The following TENM4 variants were observed in gnomAD, a reference collection of about 807,000 sequenced individuals.
The protein encoded by TENM4 is teneurin transmembrane protein 4.
Under a neutral mutation model 243.3 loss-of-function variants are expected in TENM4, and 82 were observed. The observed-to-expected ratio is 0.34, with a 90% CI of 0.28 to 0.40. The LOEUF is 0.40. TENM4 is among the 10% of genes least tolerant of loss of function. The pLI is 1.00. For synonymous variants in TENM4, 1,412 were observed against 1,456.3 expected (o/e 0.97, Z 0.69); for missense variants, 3,138 against 3,673.3 (o/e 0.85, Z 3.77).
intron 6 of TENM4, among the ~76,000 whole-genome samples, chr11:79,057,857 C>A (rs1396953683): frequency 6.6e-6 from 1 of 152,152 alleles, no homozygotes; most frequent in African/African-American, 2.4e-5. Context: ...TCTTGGTTTA[C>A]CCCCAAGCTT....
Position 79,007,448 on chromosome 11 carries a change from C to A in TENM4, c.493+57290G>T, listed in dbSNP as rs1338866771. On this transcript the variant is annotated intron_variant, in intron 6 of 33. Transcript: ENST00000278550. ...GGCTAAGCAGGGTGTAGAACACAGGCCTCTTGGAGCCCGTTTAGTGTGGAA... is the reference window on the plus strand; with the variant it reads ...GGCTAAGCAGGGTGTAGAACACAGGACTCTTGGAGCCCGTTTAGTGTGGAA... Among the ~76,000 whole-genome samples the A allele has an allele frequency of 2.0e-5, 3 of 152,036 alleles. No homozygotes were observed. In the East Asian group the frequency reaches 5.8e-4, roughly 29 times the overall value.
Position 78,688,159 on chromosome 11 carries a change from C to G in TENM4, c.5155G>C (p.Asp1719His). ...PTGQVSSFRS[D>H]TDSSVHVQVE... ...TGGACATGCACTGAACTGTCTGTAT[C>G]ACTTCGGAAACTGCTCACCTGGCCA... Residue 1719 changes from aspartate to histidine, a missense_variant, in exon 29 of 34, where the codon GAT becomes CAT. Asp to His is a moderately conservative substitution (Grantham distance 81). This residue lies in a region of TENM4 where 2,467 missense variants were observed against 3,059.1 expected (regional missense o/e 0.81). Coordinates refer to ENST00000278550, the MANE Select transcript of TENM4 (RefSeq NM_001098816.3). 1.2e-6 allele frequency: 2 copies of G among 1,613,924 alleles called. No individual in the cohort carries two copies. Among genetic ancestry groups the G allele is most frequent in the Non-Finnish European group, 1.7e-6 (2 of 1,179,866 alleles).
intron 1 of TENM4, among the ~76,000 whole-genome samples, chr11:79,399,269 T>C (rs921263716): frequency 2.0e-5 from 3 of 152,216 alleles, no homozygotes; most frequent in African/African-American, 7.2e-5. Context: ...AGAAATCTAC[T>C]GGTTCCATAT....
intron 32 of TENM4, among the ~76,000 whole-genome samples, chr11:78,663,292 G>T (rs1473847203): frequency 6.6e-6 from 1 of 152,240 alleles, no homozygotes; most frequent in Non-Finnish European, 1.5e-5. Context: ...CTTTCAAGTG[G>T]AGATAGAACC....
At chr11:79,158,907 A>G (rs1187937250) in intron 3 of TENM4, among the ~76,000 whole-genome samples, 8 of 152,140 alleles carry the variant, frequency 5.3e-5, no homozygotes, top group Non-Finnish European at 1.0e-4. Context: ...CATCACCTCT[A>G]TTGGACCAGG....
chr11:79,178,780 C>T (rs78662597), intron 3 of TENM4, among the ~76,000 whole-genome samples: 1 of 152,194 alleles, frequency 6.6e-6, no homozygotes, highest in African/African-American at 2.4e-5. Context: ...GTCACAGTAT[C>T]TGGCACACAG....
chr11:79,090,142 C>A (rs534406862), intron 4 of TENM4, among the ~76,000 whole-genome samples: 37 of 152,348 alleles, frequency 2.4e-4, no homozygotes, highest in Non-Finnish European at 3.5e-4. Flanking sequence ...AGGAGCAGAG[C>A]TCGGACTCTA....
At chr11:78,686,699 C>T (rs1235502313) in intron 29 of TENM4, among the ~76,000 whole-genome samples, 2 of 152,178 alleles carry the variant, frequency 1.3e-5, no homozygotes, top group African/African-American at 2.4e-5. Flanking sequence ...AGAACCCCAC[C>T]TCTGCCTATA....
At chr11:79,105,473 A>G (rs1861342665) in intron 4 of TENM4, among the ~76,000 whole-genome samples, 1 of 152,254 alleles carries the variant, frequency 6.6e-6, no homozygotes, top group Non-Finnish European at 1.5e-5. Context: ...CATTGAGGTC[A>G]GATAGCAGAG....
At position 78,672,281 on chromosome 11, in the gene TENM4, T is replaced by C. The variant is rs772977333; in HGVS notation, c.5545A>G (p.Thr1849Ala). ...LSLDFDRVTR[T>A]EKIYDDHRKF... ...CGGTGGTCATCATAGATCTTCTCTG[T>C]GCGTGTTACGCGATCAAAGTCCAGA... The change falls in exon 31 of 34, where the codon ACA becomes GCA. Residue 1849 changes from threonine to alanine, a missense_variant. Physicochemically the swap from Thr to Ala is moderately conservative, Grantham distance 58. Around this residue, in one of 2 missense-constraint regions of TENM4, gnomAD observed 2,467 missense variants for 3,059.1 expected, o/e 0.81. Transcript: ENST00000278550. 181 of 1,613,806 alleles carry C rather than the reference T, an allele frequency of 1.1e-4. 1 individual carries two copies. In the East Asian group the frequency reaches 3.1e-3, roughly 28 times the overall value.
At chr11:78,843,217 G>A (rs767960716) in intron 12 of TENM4, among the ~76,000 whole-genome samples, 3 of 152,220 alleles carry the variant, frequency 2.0e-5, no homozygotes, top group Admixed American at 6.5e-5. Flanking sequence ...GGTGGAGGTT[G>A]CAGTGAACTG....
At chr11:78,687,708 T>C (rs551448391) in intron 29 of TENM4, among the ~76,000 whole-genome samples, 14 of 152,292 alleles carry the variant, frequency 9.2e-5, no homozygotes, top group African/African-American at 3.1e-4. Context: ...TTATGCGTAA[T>C]TATTTTTGTC....
intron 12 of TENM4, among the ~76,000 whole-genome samples, chr11:78,820,927 G>T (rs1365990800): frequency 6.6e-6 from 1 of 152,240 alleles, no homozygotes; most frequent in African/African-American, 2.4e-5. Context: ...GCAGGTGCCA[G>T]GTGCTGGAAA....
intron 4 of TENM4, among the ~76,000 whole-genome samples, chr11:79,131,366 C>G (rs1048066341): frequency 2.0e-5 from 3 of 152,176 alleles, no homozygotes; most frequent in Non-Finnish European, 4.4e-5. Context: ...GGGACTGGGG[C>G]TCTATCTTCA....
At chr11:79,150,027 A>G (rs1425320068) in intron 3 of TENM4, among the ~76,000 whole-genome samples, 2 of 152,182 alleles carry the variant, frequency 1.3e-5, no homozygotes, top group African/African-American at 4.8e-5. Flanking sequence ...GGAACCCACA[A>G]AGAAAAAGGA....
intron 15 of TENM4, among the ~76,000 whole-genome samples, chr11:78,795,867 C>T (rs1857150882): frequency 6.6e-6 from 1 of 152,128 alleles, no homozygotes; most frequent in Non-Finnish European, 1.5e-5. Context: ...GAAGAAGGTA[C>T]AGCAAAGGAA....
intron 1 of TENM4, among the ~76,000 whole-genome samples, chr11:79,433,836 G>C (rs77452066): frequency 2.1e-3 from 320 of 152,334 alleles, no homozygotes; most frequent in African/African-American, 7.5e-3. Context: ...AGTGAAACTA[G>C]AGTGGCATAA....
intron 9 of TENM4, among the ~76,000 whole-genome samples, chr11:78,866,225 G>A (rs551074037): frequency 6.6e-6 from 1 of 152,288 alleles, no homozygotes; most frequent in East Asian, 1.9e-4. Context: ...AAAGGTAACG[G>A]AGAAATTGTT....
intron 12 of TENM4, among the ~76,000 whole-genome samples, chr11:78,830,769 AAG>A (rs1857963122): frequency 2.0e-5 from 3 of 152,222 alleles, no homozygotes; most frequent in South Asian, 4.1e-4. Flanking sequence ...ACAGTAAATT[AAG>A]AGAGAGACTC....
Sources: allele counts gnomAD v4.1 joint callset (sites outside exome capture counted in the v4.1 genomes callset), GRCh38; gene constraint gnomAD v4.1.1; regional missense constraint gnomAD v4.1.1; transcripts MANE v1.5; gene names NCBI Gene and HGNC (gene_info 2026-07-23, HGNC 2026-07-21).